Variants in CDK16 observed in about 807,000 individuals in gnomAD.
CDK16 encodes cyclin-dependent kinase 16.
CDK16 carries 2 observed loss-of-function variants against 41.6 expected under a neutral mutation model. That is an observed-to-expected ratio of 0.05 (90% CI 0.02 to 0.15). The LOEUF (loss-of-function observed/expected upper bound fraction) is 0.15. Ranked by LOEUF, CDK16 falls within the 10% of genes least tolerant of loss-of-function variation. The pLI is 1.00. For synonymous variants in CDK16, 169 were observed against 169.7 expected (o/e 1.00, Z 0.03); for missense variants, 228 against 428.9 (o/e 0.53, Z 4.14).
chrX:47,224,756 T>C lies in CDK16; in HGVS notation c.462+13T>C. 2.5e-6 allele frequency: 3 copies of C among 1,211,774 alleles called. No homozygotes were observed. Among genetic ancestry groups the C allele is most frequent in the Non-Finnish European group, 3.4e-6 (3 of 895,452 alleles). ...TCGTGTCAGCCTAGTAAGCACCTTC[T>C]GTTCCCGTCCTCTCCTTTTTCTTCT... On this transcript the variant is annotated intron_variant, in intron 4 of 15. Transcript: ENST00000357227.
rs1937210100 is a variant in CDK16 at position 47,219,032 on chromosome X, C to T, written c.-80C>T. On this transcript the variant is annotated 5_prime_UTR_variant, in exon 1 of 16. Transcript: ENST00000357227. Reference sequence around the variant, plus strand: ...CAGGAGGAGAAGGAGGTCGCGCGGCCTCATCCCGGGCCGCCGCCCCAGGCG... The same window carrying T: ...CAGGAGGAGAAGGAGGTCGCGCGGCTTCATCCCGGGCCGCCGCCCCAGGCG... 2 of 836,442 alleles carry T rather than the reference C, an allele frequency of 2.4e-6. No homozygotes were observed. The highest frequency in any genetic ancestry group is 3.8e-5 in the South Asian group (1 of 26,509). The allele number at this position is 836,442 out of a possible 1,213,427, so 68.9% of individuals were successfully genotyped here.
Position 47,224,970 on chromosome X carries a change from C to CA in CDK16, c.520-17dup, listed in dbSNP as rs1569226808. The CA allele has an allele frequency of 2.5e-6, 3 of 1,199,876 alleles. No homozygotes were observed. The Admixed American group carries it at 6.6e-5, about 26-fold the overall frequency. ...GAATCTCATAGCACCTCTCCTGTCA[C>CA]ACTTCCTCACATTCCAGGGTACCTA... On this transcript the variant is annotated splice_polypyrimidine_tract_variant and intron_variant, in intron 5 of 15. Transcript: ENST00000357227.
Position 47,228,862 on chromosome X carries a change from C to T in CDK16, c.*94C>T, listed in dbSNP as rs1478305659. The T allele has an allele frequency of 1.1e-6, 1 of 911,508 alleles. No individual in the cohort carries two copies. The highest frequency in any genetic ancestry group is 2.6e-5 in the Admixed American group (1 of 39,030). 75.1% of individuals were successfully genotyped at this position (911,508 alleles called of 1,213,427 possible). A position where few individuals can be genotyped will look rare whatever the true frequency, so the allele number is the denominator to read the frequency against. On this transcript the variant is annotated 3_prime_UTR_variant, in exon 16 of 16. Transcript: ENST00000357227. The stretch of plus-strand genomic sequence containing the variant: ...CTACATCTTCCCTGCTTACTCTCTG[C>T]CTACCTGCCTGAGCCATGTTCACCT...
chrX:47,227,449 G>C lies in CDK16; in HGVS notation c.1355G>C (p.Arg452Pro). The C allele has an allele frequency of 1.7e-6, 2 of 1,207,127 alleles. No homozygotes were observed. The highest frequency in any genetic ancestry group is 2.2e-6 in the Non-Finnish European group (2 of 891,662). Residue 452 changes from arginine (R) to proline (P), a missense_variant, in exon 14 of 16, where the codon CGG (arginine) becomes CCG (proline). Physicochemically the swap from Arg to Pro is moderately radical, Grantham distance 103 (BLOSUM62 -2). Around this residue, in one of 3 missense-constraint regions of CDK16, gnomAD observed 91 missense variants for 129.5 expected, o/e 0.70. Transcript: ENST00000357227. Reference sequence around the variant, plus strand: ...CCATTCTTCCTCAGTCTGGGGGAGCGGATCCACAAACTTCCTGACAGTGAG... The same window carrying C: ...CCATTCTTCCTCAGTCTGGGGGAGCCGATCCACAAACTTCCTGACAGTGAG... ...KHPFFLSLGE[R>P]IHKLPDTTSI...
rs772285219 is a variant in CDK16, at chrX:47,227,220, G to A, written c.1281G>A (p.Leu427=). Residue 427 remains leucine (L), a synonymous_variant, in exon 13 of 16, where the codon TTG becomes TTA. Transcript: ENST00000357227. ...GGGCCGACCTCCTCACCAAGCTGTT[G>A]CAGGTGAGACCACCTTGGGTCAGCC... is the stretch of plus-strand genomic sequence containing the variant. The part of the protein sequence containing the change: ...SDGADLLTKL[L]QFEGRNRISA... 2.5e-6 allele frequency: 3 copies of A among 1,205,987 alleles called. No individual in the cohort carries two copies. The highest frequency in any genetic ancestry group is 1.1e-6 in the Non-Finnish European group (1 of 891,208).
At chrX:47,224,541 T>C (rs1209443647) in intron 3 of CDK16, 23 bp downstream of exon 3, 1 of 1,205,439 alleles carries the variant, frequency 8.3e-7, no homozygotes, top group East Asian at 3.0e-5. Context: ...GTCTGGATGG[T>C]GGAGGAACTG....
chrX:47,225,664 GAGAA>G (rs1222367005), intron 6 of CDK16, 104 bp from the exon 7 acceptor site: 4 of 572,975 alleles, frequency 7.0e-6, no homozygotes, highest in Middle Eastern at 3.8e-4. Flanking sequence ...GAACTGTCTA[GAGAA>G]AGAAAGAAAA....
chrX:47,225,583 C>A (rs774671579), intron 6 of CDK16, among the ~76,000 whole-genome samples, 189 bp from the exon 7 acceptor site: 1 of 111,828 alleles, frequency 8.9e-6, no homozygotes, highest in Admixed American at 9.4e-5. Flanking sequence ...TTTTCCACAT[C>A]TGCAACATGG....
intron 1 of CDK16, chrX:47,222,873 T>C (rs1380717302): frequency 2.9e-6 from 1 of 342,790 alleles, no homozygotes; most frequent in Non-Finnish European, 4.9e-6. Flanking sequence ...TGAGAAGAGC[T>C]GGTGTACACT....
At position 47,228,952 on chromosome X, in the gene CDK16, C is replaced by T. The variant is rs1602698613; in HGVS notation, c.*184C>T. 5.8e-6 allele frequency: 3 copies of T among 516,656 alleles called. No homozygotes were observed. Among genetic ancestry groups the T allele is most frequent in the African/African-American group, 4.6e-5 (2 of 43,950 alleles). The allele number at this position is 516,656 out of a possible 1,213,427, so 42.6% of individuals were successfully genotyped here. On this transcript the variant is annotated 3_prime_UTR_variant, in exon 16 of 16. Transcript: ENST00000357227. ...TTGGCCTGTCAACCCACCCATTGGC[C>T]TGTCTGCTGGGTGCTAACAAAGCTC...
Position 47,218,693 on chromosome X carries a change from TCCGAGCGCCTGCGTGCGCATGCG to T in CDK16, c.-417_-395del. 7.7e-6 allele frequency: 9 copies of T among 1,165,542 alleles called. No homozygotes were observed. The highest frequency in any genetic ancestry group is 1.0e-5 in the Non-Finnish European group (9 of 872,316). ...AGTCCCCTCCTTTCCACTTCACCCT[TCCGAGCGCCTGCGTGCGCATGCG>T]CGGAGCGCGGCGCGCGCGGCGGTTG... On this transcript the variant is annotated 5_prime_UTR_variant, in exon 1 of 16. An upstream start codon of the reference 5' UTR is lost. Transcript: ENST00000357227.
At chrX:47,224,361 C>CCCTA (rs1937489444) in intron 2 of CDK16, 24 bp from the exon 3 acceptor site, 1 of 1,169,772 alleles carries the variant, frequency 8.5e-7, no homozygotes, top group African/African-American at 1.8e-5. Context: ...ACCTGGCCTG[C>CCCTA]CCTACCCCTC....
intron 8 of CDK16, 27 bp from the exon 9 acceptor site, chrX:47,226,252 C>A (rs772674979): frequency 1.7e-6 from 2 of 1,209,682 alleles, no homozygotes; most frequent in Non-Finnish European, 2.2e-6. Context: ...AGTCTTTGAC[C>A]TCTGCCTGCC....
At chrX:47,227,158 A>G in intron 12 of CDK16, 23 bp from the exon 13 acceptor site, 1 of 1,209,920 alleles carries the variant, frequency 8.3e-7, no homozygotes, top group Non-Finnish European at 1.1e-6. Flanking sequence ...ATTTTAAATC[A>G]GGTCTCTTTG....
chrX:47,221,032 T>G (rs1263944408), intron 1 of CDK16, among the ~76,000 whole-genome samples: 1 of 111,284 alleles, frequency 9.0e-6, no homozygotes, highest in East Asian at 2.8e-4. Flanking sequence ...TTCAGGGCGG[T>G]ATGTTATGTG....
At chrX:47,225,712 C>T in intron 6 of CDK16, 60 bp from the exon 7 acceptor site, 3 of 880,552 alleles carry the variant, frequency 3.4e-6, no homozygotes, top group Non-Finnish European at 5.0e-6. Context: ...CTTGTCCTCA[C>T]CTCTGTCCTG....
intron 2 of CDK16, 98 bp from the exon 3 acceptor site, chrX:47,224,287 G>A: frequency 1.0e-6 from 1 of 958,201 alleles, no homozygotes; most frequent in Non-Finnish European, 1.4e-6. Flanking sequence ...GGGGCCACGT[G>A]CACACATGTG....
At chrX:47,223,256 A>G (rs1451963223) in intron 1 of CDK16, 13 of 1,155,211 alleles carry the variant, frequency 1.1e-5, no homozygotes, top group Admixed American at 5.2e-5. Flanking sequence ...CTAGATCCCA[A>G]CAATCCATCG....
chrX:47,218,524 C>T, upstream of CDK16: 1 of 1,010,991 alleles, frequency 9.9e-7, no homozygotes, highest in Non-Finnish European at 1.3e-6. Context: ...CAAACTTCTG[C>T]CAAGATCGGA....
Sources: allele counts gnomAD v4.1 joint callset (sites outside exome capture counted in the v4.1 genomes callset), GRCh38; gene constraint gnomAD v4.1.1; regional missense constraint gnomAD v4.1.1; transcripts MANE v1.5; gene names NCBI Gene and HGNC (gene_info 2026-07-23, HGNC 2026-07-21).